BICDL1: variants seen among roughly 807,000 people sequenced by gnomAD.
The protein encoded by BICDL1 is BICD family-like cargo adapter 1.
In BICDL1, 20 loss-of-function variants were observed where a neutral mutation model predicts 76.8. The ratio of observed to expected loss-of-function variants is 0.26; its 90% confidence interval spans 0.18 to 0.38. The LOEUF (loss-of-function observed/expected upper bound fraction) is 0.38. Among genes scored for constraint, BICDL1 ranks in the 10% least tolerant of loss-of-function variants. The pLI is 1.00. For synonymous variants in BICDL1, 383 were observed against 337.1 expected (o/e 1.14, Z -1.49); for missense variants, 700 against 798.6 (o/e 0.88, Z 1.49).
At chr12:120,013,533 C>A (rs1427440410) in intron 2 of BICDL1, among the ~76,000 whole-genome samples, 1 of 150,900 alleles carries the variant, frequency 6.6e-6, no homozygotes, top group Non-Finnish European at 1.5e-5. Flanking sequence ...GCGATCTCGG[C>A]TCACTGCAAC....
intron 9 of BICDL1, 101 bp from the exon 10 acceptor site, chr12:120,092,899 T>G: frequency 6.8e-7 from 1 of 1,470,680 alleles, no homozygotes; most frequent in Non-Finnish European, 9.0e-7. Flanking sequence ...CTCATCACAT[T>G]CTCATCTCTC....
chr12:120,012,575 C>CG (rs1951975383), intron 2 of BICDL1, among the ~76,000 whole-genome samples: 1 of 152,114 alleles, frequency 6.6e-6, no homozygotes, highest in South Asian at 2.1e-4. Context: ...GCTCAGAGGG[C>CG]GGGCAAGATG....
intron 2 of BICDL1, chr12:120,000,594 G>A (rs1027699231): frequency 5.3e-5 from 8 of 152,054 alleles, no homozygotes; most frequent in Non-Finnish European, 1.2e-4. Context: ...AAAATTAAAG[G>A]GGAAATTAAG....
In BICDL1 at chr12:120,047,124, A is replaced by G. The variant is rs576397160; in HGVS notation, c.646-14586A>G. On this transcript the variant is annotated intron_variant, in intron 2 of 9. Coordinates refer to ENST00000548673, the MANE Select transcript of BICDL1 (RefSeq NM_001367886.1). ...ATTAGTTCAAATGAAACAAAATTAA[A>G]CATGCCCCTATCTAGTGGATGTATA... Among the ~76,000 whole-genome samples the G allele has an allele frequency of 2.0e-5, 3 of 152,312 alleles. No homozygotes were observed. In the East Asian group the frequency reaches 5.8e-4, roughly 29 times the overall value.
rs115846798 is a variant in BICDL1, at chr12:120,010,335, C to T, written c.645+11599C>T. Among the ~76,000 whole-genome samples, 1,162 of 152,298 alleles carry T rather than the reference C, an allele frequency of 7.6e-3. 18 individuals carry two copies. The highest frequency in any genetic ancestry group is 0.027 in the African/African-American group (1,104 of 41,572). On this transcript the variant is annotated intron_variant, in intron 2 of 9. Coordinates refer to ENST00000548673, the MANE Select transcript of BICDL1 (RefSeq NM_001367886.1). ...TAAGATTGCCACCATCATCCTTATCCTCCAATTTCAAATTATTTTGGAAAG... is the reference window on the plus strand; with the variant it reads ...TAAGATTGCCACCATCATCCTTATCTTCCAATTTCAAATTATTTTGGAAAG...
intron 2 of BICDL1, among the ~76,000 whole-genome samples, chr12:120,029,748 C>G (rs1368881986): frequency 6.8e-6 from 1 of 146,334 alleles, no homozygotes; most frequent in East Asian, 2.2e-4. Context: ...CTCCACCCGC[C>G]GGTTCAAGTA....
At chr12:120,001,816 G>A (rs1951765393) in intron 2 of BICDL1, among the ~76,000 whole-genome samples, 1 of 152,162 alleles carries the variant, frequency 6.6e-6, no homozygotes, top group Non-Finnish European at 1.5e-5. Flanking sequence ...TTAGGAGGTT[G>A]AGGCAGGAGG....
intron 2 of BICDL1, among the ~76,000 whole-genome samples, chr12:120,007,017 AT>A (rs1951863106): frequency 6.6e-6 from 1 of 152,132 alleles, no homozygotes; most frequent in South Asian, 2.1e-4. Flanking sequence ...GGTTGGATAT[AT>A]GTTTTGAAGG....
At chr12:120,091,463 A>C (rs1055169129) in intron 9 of BICDL1, 1 of 999,568 alleles carries the variant, frequency 1.0e-6, no homozygotes, top group African/African-American at 1.7e-5. Flanking sequence ...TTTACTGAGC[A>C]CGTCGTAAGT....
chr12:120,050,253 T>TC (rs1022508881), intron 2 of BICDL1, among the ~76,000 whole-genome samples: 1 of 151,256 alleles, frequency 6.6e-6, no homozygotes, highest in African/African-American at 2.4e-5. Context: ...AGATCTATTC[T>TC]CTTTTTTTTT....
intron 6 of BICDL1, among the ~76,000 whole-genome samples, chr12:120,073,254 T>C (rs1046673603): frequency 2.0e-5 from 3 of 152,216 alleles, no homozygotes; most frequent in African/African-American, 4.8e-5. Flanking sequence ...GGCAGCTTCC[T>C]GCACACACCA....
chr12:120,001,147 T>C (rs1951751465), intron 2 of BICDL1, among the ~76,000 whole-genome samples: 1 of 152,194 alleles, frequency 6.6e-6, no homozygotes. Context: ...TTAGATAGCG[T>C]TTTATTAACT....
intron 2 of BICDL1, among the ~76,000 whole-genome samples, chr12:120,045,460 A>C (rs956382873): frequency 6.6e-6 from 1 of 152,216 alleles, no homozygotes; most frequent in African/African-American, 2.4e-5. Context: ...CTTTAAAGAC[A>C]CATGCACACG....
intron 8 of BICDL1, among the ~76,000 whole-genome samples, chr12:120,086,519 C>T (rs1011105488): frequency 7.2e-5 from 11 of 152,090 alleles, no homozygotes; most frequent in Admixed American, 2.0e-4. Context: ...CACTTCTTTC[C>T]CCCTTGATTT....
intron 7 of BICDL1, among the ~76,000 whole-genome samples, chr12:120,076,459 C>G (rs1448621998): frequency 6.6e-6 from 1 of 152,132 alleles, no homozygotes; most frequent in African/African-American, 2.4e-5. Flanking sequence ...AATTATAAAA[C>G]TAGAACTCCA....
In BICDL1 at chr12:119,989,859, C is replaced by A; in HGVS notation, c.-10C>A. ...GGGCCGCACCGCTGCGGGCTCCGCG[C>A]GCGCGGGCCATGTCCGCTTTCTGCC... On this transcript the variant is annotated 5_prime_UTR_variant, in exon 1 of 10. Coordinates refer to ENST00000548673, the MANE Select transcript of BICDL1 (RefSeq NM_001367886.1). 1 of 1,341,286 alleles carries A rather than the reference C, an allele frequency of 7.5e-7. No individual in the cohort carries two copies. The highest frequency in any genetic ancestry group is 9.5e-7 in the Non-Finnish European group (1 of 1,057,732). The allele number at this position is 1,341,286 out of a possible 1,614,324, so 83.1% of individuals were successfully genotyped here. A position where few individuals can be genotyped will look rare whatever the true frequency, so the allele number is the denominator to read the frequency against.
chr12:120,016,213 G>A (rs1044231200), intron 2 of BICDL1, among the ~76,000 whole-genome samples: 6 of 152,108 alleles, frequency 3.9e-5, no homozygotes, highest in Non-Finnish European at 8.8e-5. Flanking sequence ...AGGTTCACTC[G>A]TGTTATAGCA....
intron 2 of BICDL1, among the ~76,000 whole-genome samples, chr12:120,021,046 G>C (rs1952169260): frequency 6.6e-6 from 1 of 152,196 alleles, no homozygotes; most frequent in African/African-American, 2.4e-5. Context: ...ACTTTGGGAG[G>C]CCAAGGCAGG....
rs751309722 is a variant in BICDL1 at position 120,064,772 on chromosome 12, C to T, written c.802C>T (p.Arg268Cys). The change falls in exon 4 of 10, where the codon CGT (arginine) becomes TGT (cysteine). Residue 268 changes from arginine (R) to cysteine (C), a missense_variant. Coordinates refer to ENST00000548673, the MANE Select transcript of BICDL1 (RefSeq NM_001367886.1). ...LSDRKRELEH[R>C]LSATLEENDL... ...AGATCGGAAACGGGAGCTGGAGCAT[C>T]GTCTCAGCGCTACTTTAGAGGAAAA... 2.7e-5 allele frequency: 43 copies of T among 1,613,192 alleles called. No individual in the cohort carries two copies. Among genetic ancestry groups the T allele is most frequent in the South Asian group, 6.6e-5 (6 of 91,008 alleles).
Sources: allele counts gnomAD v4.1 joint callset (sites outside exome capture counted in the v4.1 genomes callset), GRCh38; gene constraint gnomAD v4.1.1; transcripts MANE v1.5; gene names NCBI Gene and HGNC (gene_info 2026-07-23, HGNC 2026-07-21).